PLXDC1: variants seen among roughly 807,000 people sequenced by gnomAD.
The protein encoded by PLXDC1 is plexin domain containing 1.
Under a neutral mutation model 61.3 loss-of-function variants are expected in PLXDC1, and 39 were observed. The ratio of observed to expected loss-of-function variants is 0.64; its 90% CI spans 0.49 to 0.83. The LOEUF (loss-of-function observed/expected upper bound fraction) is 0.83, where lower values mean the gene tolerates loss of function less well. PLXDC1 is among the 40% of genes least tolerant of loss of function. The pLI, the probability that PLXDC1 is intolerant of heterozygous loss-of-function variation, is 0.00. For missense variants in PLXDC1, 596 were observed against 666.5 expected, an observed-to-expected ratio of 0.89 and a Z score of 1.17; for synonymous variants, 212 against 254.5, an observed-to-expected ratio of 0.83 and a Z score of 1.59.
intron 7 of PLXDC1, among the ~76,000 whole-genome samples, chr17:39,101,992 G>A (rs1480387748): frequency 2.6e-5 from 4 of 152,204 alleles, no homozygotes. Flanking sequence ...GTAGGAAGGT[G>A]GAGGAAGAAG....
At chr17:39,070,063 A>C (rs1247295769) in intron 12 of PLXDC1, 47 bp from the exon 13 acceptor site, 3 of 1,506,768 alleles carry the variant, frequency 2.0e-6, no homozygotes, top group Non-Finnish European at 1.8e-6. Flanking sequence ...GGGAGCAGGG[A>C]AGGTCGAACC....
intron 13 of PLXDC1, among the ~76,000 whole-genome samples, chr17:39,069,427 T>C (rs1909025437): frequency 6.6e-6 from 1 of 152,124 alleles, no homozygotes; most frequent in Non-Finnish European, 1.5e-5. Flanking sequence ...TAAAAGCAGG[T>C]ATCAGTAGGC....
At chr17:39,081,802 G>A (rs1433293484) in intron 9 of PLXDC1, among the ~76,000 whole-genome samples, 1 of 152,092 alleles carries the variant, frequency 6.6e-6, no homozygotes, top group Non-Finnish European at 1.5e-5. Context: ...AAATGGCCGG[G>A]TGTGGTGGTG....
At chr17:39,107,801 AAGG>A in intron 5 of PLXDC1, 1 of 569,080 alleles carries the variant, frequency 1.8e-6, no homozygotes, top group South Asian at 2.1e-5. Flanking sequence ...GAGATAAAAG[AAGG>A]AGGAATGTCT....
rs1038230597 is a variant in PLXDC1 at position 39,087,843 on chromosome 17, G to A, written c.812-141C>T. ...AGCAGCCTGGGACAATGATGTTGGCGCTGCTGGAGACAGGGACAGGTGCGG... is the reference window on the plus strand; with the variant it reads ...AGCAGCCTGGGACAATGATGTTGGCACTGCTGGAGACAGGGACAGGTGCGG... On this transcript the variant is annotated intron_variant, in intron 7 of 13. Coordinates refer to ENST00000315392, the MANE Select transcript of PLXDC1 (RefSeq NM_020405.5). 5.8e-5 allele frequency: 38 copies of A among 654,218 alleles called. No individual in the cohort carries two copies. In the East Asian group the frequency reaches 6.0e-4, roughly 10 times the overall value. The allele number at this position is 654,218 out of a possible 1,614,324, so 40.5% of individuals were successfully genotyped here.
intron 13 of PLXDC1, among the ~76,000 whole-genome samples, chr17:39,068,924 G>A (rs1007923703): frequency 4.6e-5 from 7 of 152,208 alleles, no homozygotes; most frequent in Non-Finnish European, 1.5e-5. Flanking sequence ...CTCGTAAGAA[G>A]CCAGAAGTGG....
At chr17:39,092,462 T>C (rs778806613) in intron 7 of PLXDC1, among the ~76,000 whole-genome samples, 1 of 152,246 alleles carries the variant, frequency 6.6e-6, no homozygotes, top group Non-Finnish European at 1.5e-5. Context: ...AGCGCCACCA[T>C]GCAGCACATT....
upstream of PLXDC1, among the ~76,000 whole-genome samples, chr17:39,152,310 CCT>C (rs146303070): frequency 2.6e-5 from 4 of 152,264 alleles, no homozygotes; most frequent in East Asian, 7.7e-4. Flanking sequence ...AGGCCTCCTG[CCT>C]CTCTGGGGCC....
chr17:39,076,456 A>G (rs1909339874), intron 11 of PLXDC1, among the ~76,000 whole-genome samples: 1 of 150,186 alleles, frequency 6.7e-6, no homozygotes, highest in Non-Finnish European at 1.5e-5. Flanking sequence ...GGCTGTGGTG[A>G]GCCATGATCA....
intron 9 of PLXDC1, among the ~76,000 whole-genome samples, chr17:39,082,449 T>C (rs1024324927): frequency 1.3e-5 from 2 of 151,640 alleles, no homozygotes; most frequent in African/African-American, 4.8e-5. Flanking sequence ...CCTGTAATCC[T>C]AGCTACTCAA....
At chr17:39,129,595 C>T (rs567054982) in intron 2 of PLXDC1, among the ~76,000 whole-genome samples, 1,582 of 145,160 alleles carry the variant, frequency 0.011, 37 homozygotes, top group African/African-American at 0.038. Flanking sequence ...CCAGCCTGGG[C>T]GACAGAGCAA....
chr17:39,077,479 C>A (rs1461777950), intron 11 of PLXDC1, among the ~76,000 whole-genome samples: 1 of 152,170 alleles, frequency 6.6e-6, no homozygotes, highest in Non-Finnish European at 1.5e-5. Flanking sequence ...GTCAGGTGAT[C>A]ATACAGAAAA....
At chr17:39,126,845 C>T (rs75653875) in intron 2 of PLXDC1, 3 of 152,244 alleles carry the variant, frequency 2.0e-5, no homozygotes, top group Non-Finnish European at 4.4e-5. Flanking sequence ...ATTTTTTTCT[C>T]ATCAACACTA....
At chr17:39,119,137 G>C (rs2083234062) in intron 2 of PLXDC1, among the ~76,000 whole-genome samples, 1 of 151,992 alleles carries the variant, frequency 6.6e-6, no homozygotes, top group South Asian at 2.1e-4. Context: ...CCAGCCCTTG[G>C]GTCTCCCATG....
chr17:39,107,818 C>T, intron 5 of PLXDC1: 1 of 463,320 alleles, frequency 2.2e-6, no homozygotes, highest in Non-Finnish European at 4.1e-6. Context: ...AATGTCTGTT[C>T]TCCTGGATTC....
At chr17:39,092,106 T>C (rs1909977823) in intron 7 of PLXDC1, among the ~76,000 whole-genome samples, 1 of 152,022 alleles carries the variant, frequency 6.6e-6, no homozygotes, top group African/African-American at 2.4e-5. Flanking sequence ...AGAGACAGGG[T>C]CTCGCTCTGT....
At position 39,151,329 on chromosome 17, in the gene PLXDC1, C is replaced by T. The variant is rs773277700; in HGVS notation, c.76+33G>A. 1.6e-4 allele frequency: 207 copies of T among 1,265,080 alleles called. 1 individual carries two copies. The African/African-American group carries it at 2.6e-3, about 16-fold the overall frequency. The allele number at this position is 1,265,080 out of a possible 1,614,324, so 78.4% of individuals were successfully genotyped here. A position where few individuals can be genotyped will look rare whatever the true frequency, so the allele number is the denominator to read the frequency against. On this transcript the variant is annotated intron_variant, in intron 1 of 13. Transcript: ENST00000315392. This position sits in a 1 kb window ranked among gnomAD's most constrained non-coding sequence, Gnocchi z 5.2. Reference sequence around the variant, plus strand: ...CTGACTGCCCGTCCCTCCCCGCCCCCGGCCCACCCGGGCCGGCTCCCGCCA... The same window carrying T: ...CTGACTGCCCGTCCCTCCCCGCCCCTGGCCCACCCGGGCCGGCTCCCGCCA...
chr17:39,126,975 A>C (rs1481915947), intron 2 of PLXDC1: 1 of 152,174 alleles, frequency 6.6e-6, no homozygotes, highest in Non-Finnish European at 1.5e-5. Context: ...GCTCCCAGGC[A>C]CTGCCAGTGC....
At chr17:39,092,311 C>T (rs1264930867) in intron 7 of PLXDC1, among the ~76,000 whole-genome samples, 1 of 152,156 alleles carries the variant, frequency 6.6e-6, no homozygotes, top group East Asian at 1.9e-4. Context: ...CGGGCTCAAG[C>T]AATCTGCCTG....
Sources: allele counts gnomAD v4.1 joint callset (sites outside exome capture counted in the v4.1 genomes callset), GRCh38; gene constraint gnomAD v4.1.1; non-coding constraint Gnocchi (gnomAD v3.1); transcripts MANE v1.5; gene names NCBI Gene and HGNC (gene_info 2026-07-23, HGNC 2026-07-21).